Variants in CHST11 observed in about 807,000 individuals in gnomAD.
The protein encoded by CHST11 is carbohydrate sulfotransferase 11, also known as C4S-1.
A neutral mutation model predicts 30.4 loss-of-function variants in CHST11; 9 were observed. That is an observed-to-expected ratio of 0.30 (90% CI 0.18 to 0.52). CHST11 has a LOEUF of 0.52. Among genes scored for constraint, CHST11 ranks in the 20% least tolerant of loss-of-function variants. CHST11 has a pLI of 0.97. For synonymous variants in CHST11, 152 were observed against 187.8 expected (o/e 0.81, Z 1.56); for missense variants, 348 against 460.6 (o/e 0.76, Z 2.24).
intron 2 of CHST11, among the ~76,000 whole-genome samples, chr12:104,658,197 A>G (rs1173181930): frequency 2.6e-5 from 4 of 152,248 alleles, no homozygotes; most frequent in Admixed American, 2.0e-4. Flanking sequence ...ACAAAGTACC[A>G]GAGGCCGAGG....
chr12:104,541,500 G>T (rs1470742954), intron 1 of CHST11, among the ~76,000 whole-genome samples: 3 of 152,118 alleles, frequency 2.0e-5, no homozygotes, highest in Non-Finnish European at 2.9e-5. Context: ...TTCCTTGCCT[G>T]AGTATTTAGG....
intron 2 of CHST11, among the ~76,000 whole-genome samples, chr12:104,633,380 G>A (rs1484968468): frequency 6.6e-6 from 1 of 151,338 alleles, no homozygotes; most frequent in Non-Finnish European, 1.5e-5. Context: ...GAACAGTGAG[G>A]GAAAGAACTG....
At chr12:104,467,636 C>G (rs1368008456) in intron 1 of CHST11, among the ~76,000 whole-genome samples, 1 of 152,180 alleles carries the variant, frequency 6.6e-6, no homozygotes, top group African/African-American at 2.4e-5. Flanking sequence ...GGAAGTGTTT[C>G]AGTCCTTATC....
intron 2 of CHST11, among the ~76,000 whole-genome samples, chr12:104,755,481 C>T (rs568940838): frequency 1.3e-5 from 2 of 152,056 alleles, no homozygotes; most frequent in East Asian, 3.9e-4. Flanking sequence ...GTGTGTGGGG[C>T]CATGAAGAAT....
At chr12:104,620,086 G>T (rs1416875873) in intron 2 of CHST11, among the ~76,000 whole-genome samples, 6 of 152,150 alleles carry the variant, frequency 3.9e-5, no homozygotes, top group African/African-American at 1.4e-4. Context: ...GAAATTGCAT[G>T]CTAAAGAGAC....
At position 104,690,432 on chromosome 12, in the gene CHST11, G is replaced by A. The variant is rs144291854; in HGVS notation, c.205-66517G>A. 3.8e-3 allele frequency among the ~76,000 whole-genome samples: 578 copies of A among 152,260 alleles called. 14 individuals carry two copies. The East Asian group carries it at 0.064, about 17-fold the overall frequency. On this transcript the variant is annotated intron_variant, in intron 2 of 2. Coordinates refer to ENST00000303694, the MANE Select transcript of CHST11 (RefSeq NM_018413.6). The stretch of plus-strand genomic sequence containing the variant: ...TTCTTGTTGGGTAGGAATAAAAGTC[G>A]ATTTCTGATCCCCTCTTATATGAAA...
intron 1 of CHST11, among the ~76,000 whole-genome samples, chr12:104,551,679 CA>C (rs1245167450): frequency 6.6e-6 from 1 of 152,148 alleles, no homozygotes; most frequent in African/African-American, 2.4e-5. Context: ...GGAGGCCTAA[CA>C]AGTGTGAAGA....
rs1555226434 is a variant in CHST11, at chr12:104,475,688, A to ATATATT, written c.118+18162_118+18163insATTTAT. 9.3e-4 allele frequency among the ~76,000 whole-genome samples: 73 copies of ATATATT among 78,430 alleles called. 1 individual carries two copies. Among genetic ancestry groups the ATATATT allele is most frequent in the Admixed American group, 3.4e-3 (18 of 5,288 alleles). 51.5% of individuals were successfully genotyped at this position (78,430 alleles called of 152,430 possible). A position where few individuals can be genotyped will look rare whatever the true frequency, so the allele number is the denominator to read the frequency against. On this transcript the variant is annotated intron_variant, in intron 1 of 2. Coordinates refer to ENST00000303694, the MANE Select transcript of CHST11 (RefSeq NM_018413.6). ...TATATATATATATATATATATATAT[A>ATATATT]TATTTCTGATTATGAAATTAATTCA...
chr12:104,531,104 T>A (rs898230737), intron 1 of CHST11, among the ~76,000 whole-genome samples: 8 of 152,186 alleles, frequency 5.3e-5, no homozygotes, highest in African/African-American at 1.9e-4. Flanking sequence ...AAATACTGTA[T>A]CAGAAAGTGA....
chr12:104,633,387 A>G (rs1217772599), intron 2 of CHST11, among the ~76,000 whole-genome samples: 1 of 150,974 alleles, frequency 6.6e-6, no homozygotes, highest in Admixed American at 6.6e-5. Flanking sequence ...GAGGGAAAGA[A>G]CTGCATGTGC....
intron 2 of CHST11, among the ~76,000 whole-genome samples, chr12:104,725,520 T>G (rs1432807980): frequency 6.6e-6 from 1 of 151,936 alleles, no homozygotes; most frequent in Non-Finnish European, 1.5e-5. Context: ...TGTTAATTTT[T>G]TTTTTTTTTT....
chr12:104,711,659 G>C (rs1264560859), intron 2 of CHST11, among the ~76,000 whole-genome samples: 1 of 152,144 alleles, frequency 6.6e-6, no homozygotes, highest in Non-Finnish European at 1.5e-5. Flanking sequence ...AAAAGGGCCT[G>C]AGAGGGTGAA....
At chr12:104,576,707 A>T (rs1704889) in intron 1 of CHST11, among the ~76,000 whole-genome samples, 124,037 of 152,114 alleles carry the variant, frequency 0.82, 50,780 homozygotes, top group East Asian at 0.98. Context: ...GGGCCTTTAA[A>T]TCATTCCCAA....
intron 2 of CHST11, among the ~76,000 whole-genome samples, chr12:104,682,334 A>G (rs1423190732): frequency 6.6e-6 from 1 of 152,208 alleles, no homozygotes; most frequent in Non-Finnish European, 1.5e-5. Context: ...GCCGTTGAGG[A>G]ATAAAAGTGT....
chr12:104,550,750 A>G (rs61940019), intron 1 of CHST11, among the ~76,000 whole-genome samples: 20,682 of 152,236 alleles, frequency 0.14, 1,495 homozygotes, highest in African/African-American at 0.16. Flanking sequence ...AGTGAAGAGC[A>G]AAAAGGGACA....
chr12:104,484,966 C>T (rs1389429110), intron 1 of CHST11, among the ~76,000 whole-genome samples: 2 of 152,122 alleles, frequency 1.3e-5, no homozygotes, highest in South Asian at 2.1e-4. Flanking sequence ...ACACGGGTGC[C>T]GTCTGGGGAG....
intron 2 of CHST11, among the ~76,000 whole-genome samples, chr12:104,709,512 T>G (rs7296064): frequency 0.49 from 74,682 of 151,978 alleles, 21,152 homozygotes; most frequent in African/African-American, 0.79. Flanking sequence ...GGAGCTGGAG[T>G]GAGCTTGTGC....
chr12:104,482,386 A>G (rs1410360388), intron 1 of CHST11, among the ~76,000 whole-genome samples: 4 of 149,578 alleles, frequency 2.7e-5, no homozygotes, highest in Non-Finnish European at 4.4e-5. Flanking sequence ...TCAAATGGGC[A>G]GCTGGTGTTT....
In CHST11 at chr12:104,490,724, G is replaced by C. The variant is rs556915753; in HGVS notation, c.118+33195G>C. On this transcript the variant is annotated intron_variant, in intron 1 of 2. Coordinates refer to ENST00000303694, the MANE Select transcript of CHST11 (RefSeq NM_018413.6). ...GTGGGCTTTTTTCACCCTTTGAAAA[G>C]AGAGGATGGATTCTTCACCAGAACT... 7.2e-5 allele frequency among the ~76,000 whole-genome samples: 11 copies of C among 152,326 alleles called. No individual in the cohort carries two copies. The East Asian group carries it at 1.7e-3, about 24-fold the overall frequency.
Sources: gnomAD v4.1 joint callset for allele counts (sites outside exome capture counted in the v4.1 genomes callset) on GRCh38, gnomAD v4.1.1 for gene constraint, MANE v1.5 for transcripts, NCBI Gene and HGNC (gene_info 2026-07-23, HGNC 2026-07-21) for gene names.